SLC4A10: variants seen among roughly 807,000 people sequenced by gnomAD.
SLC4A10 encodes solute carrier family 4 member 10, also known as sodium-driven chloride bicarbonate exchanger.
In SLC4A10, 42 loss-of-function variants were observed where a neutral mutation model predicts 137.7. That is an observed-to-expected ratio of 0.30 (90% CI 0.24 to 0.39). SLC4A10 has a LOEUF of 0.39. Among genes scored for constraint, SLC4A10 ranks in the 10% least tolerant of loss-of-function variants. SLC4A10 has a pLI of 1.00. For missense variants in SLC4A10, 925 were observed against 1,355.0 expected (o/e 0.68, Z 4.98); for synonymous variants, 474 against 464.1 (o/e 1.02, Z -0.27).
At chr2:161,938,482 A>T (rs1691998457) in intron 15 of SLC4A10, among the ~76,000 whole-genome samples, 1 of 151,388 alleles carries the variant, frequency 6.6e-6, no homozygotes, top group Non-Finnish European at 1.5e-5. Flanking sequence ...TGATATTTAT[A>T]GATTATTATT....
At position 161,942,777 on chromosome 2, in the gene SLC4A10, A is replaced by G. The variant is rs748380707; in HGVS notation, c.1998-15A>G. ...AGCTACTTATTTCACAAAAGACACT[A>G]TTTTGCCTTTTCAGGTGTAACTGTG... On this transcript the variant is annotated splice_polypyrimidine_tract_variant and intron_variant, in intron 15 of 26. Coordinates refer to ENST00000446997, the MANE Select transcript of SLC4A10 (RefSeq NM_001178015.2). 6.3e-6 allele frequency: 10 copies of G among 1,579,816 alleles called. No homozygotes were observed. In the South Asian group the frequency reaches 6.9e-5, roughly 11 times the overall value.
intron 10 of SLC4A10, among the ~76,000 whole-genome samples, chr2:161,893,348 G>A (rs1001122208): frequency 1.7e-4 from 26 of 152,014 alleles, no homozygotes; most frequent in Non-Finnish European, 1.5e-5. Context: ...ATATATAGTT[G>A]GCCCTCTGTA....
chr2:161,633,007 A>C (rs1284757714), intron 1 of SLC4A10, among the ~76,000 whole-genome samples: 1 of 151,578 alleles, frequency 6.6e-6, no homozygotes, highest in Non-Finnish European at 1.5e-5. Flanking sequence ...ACATGTATAT[A>C]TATCCTGATG....
chr2:161,627,537 A>G (rs2032659380), intron 1 of SLC4A10, among the ~76,000 whole-genome samples: 1 of 152,142 alleles, frequency 6.6e-6, no homozygotes, highest in Admixed American at 6.6e-5. Flanking sequence ...ACAGATTCTC[A>G]TTAAGCCTCC....
rs567598753 is a variant in SLC4A10 at position 161,947,599 on chromosome 2, C to A, written c.2137C>A (p.Arg713=). ...CKSLHGEYVG[R]ACGHDHPYVP... The stretch of plus-strand genomic sequence containing the variant: ...ATCATTGCATGGAGAGTATGTTGGA[C>A]GGGCCTGTGGCCATGATCACCCATA... The change falls in exon 17 of 27, where the codon CGG becomes AGG. Residue 713 remains arginine (R), a synonymous_variant. Transcript: ENST00000446997. 1 of 1,612,804 alleles carries A rather than the reference C, an allele frequency of 6.2e-7. No individual in the cohort carries two copies. The highest frequency in any genetic ancestry group is 1.3e-5 in the African/African-American group (1 of 74,934).
chr2:161,696,512 G>A (rs1246393474), intron 1 of SLC4A10, among the ~76,000 whole-genome samples: 2 of 127,086 alleles, frequency 1.6e-5, no homozygotes, highest in African/African-American at 3.1e-5. Flanking sequence ...GTGTCCATGT[G>A]TTCTCATTGT....
chr2:161,789,021 G>A (rs972999655), intron 2 of SLC4A10, among the ~76,000 whole-genome samples: 1 of 152,312 alleles, frequency 6.6e-6, no homozygotes, highest in Middle Eastern at 3.4e-3. Flanking sequence ...GGGTTCTGAG[G>A]TATGTTTGCA....
intron 3 of SLC4A10, among the ~76,000 whole-genome samples, chr2:161,834,016 A>T (rs926802727): frequency 2.6e-5 from 4 of 152,232 alleles, no homozygotes; most frequent in African/African-American, 9.6e-5. Context: ...ATAAACTTAT[A>T]TTGAAAAATC....
At chr2:161,764,323 T>C (rs886710852) in intron 1 of SLC4A10, among the ~76,000 whole-genome samples, 4 of 152,092 alleles carry the variant, frequency 2.6e-5, no homozygotes, top group African/African-American at 7.2e-5. Context: ...TATAATTGCT[T>C]AGATTATCAA....
intron 15 of SLC4A10, among the ~76,000 whole-genome samples, chr2:161,907,341 C>T (rs1684683109): frequency 6.6e-6 from 1 of 152,142 alleles, no homozygotes; most frequent in Non-Finnish European, 1.5e-5. Flanking sequence ...CCAGGGATAA[C>T]ATTGATACAC....
intron 1 of SLC4A10, among the ~76,000 whole-genome samples, chr2:161,759,430 T>G (rs1395062189): frequency 1.3e-5 from 2 of 151,930 alleles, no homozygotes; most frequent in Non-Finnish European, 2.9e-5. Flanking sequence ...TCCCCAAAAC[T>G]TATTCATCTT....
chr2:161,818,320 A>G (rs2057304224), intron 3 of SLC4A10, among the ~76,000 whole-genome samples: 1 of 152,306 alleles, frequency 6.6e-6, no homozygotes, highest in South Asian at 2.1e-4. Context: ...TGATTTTTCC[A>G]CATTGATTTT....
At chr2:161,705,236 A>G (rs2043528949) in intron 1 of SLC4A10, among the ~76,000 whole-genome samples, 1 of 151,492 alleles carries the variant, frequency 6.6e-6, no homozygotes, top group Admixed American at 6.6e-5. Context: ...ATATTGGGGA[A>G]AACTAGGAAA....
At chr2:161,848,606 C>G (rs1290261698) in intron 4 of SLC4A10, among the ~76,000 whole-genome samples, 2 of 152,132 alleles carry the variant, frequency 1.3e-5, no homozygotes, top group Non-Finnish European at 2.9e-5. Context: ...TATGGCTAGC[C>G]AGTTATCCCA....
At chr2:161,873,530 C>CAA (rs759717096) in intron 7 of SLC4A10, among the ~76,000 whole-genome samples, 455 of 17,314 alleles carry the variant, frequency 0.026, 60 homozygotes, top group East Asian at 0.082. Flanking sequence ...GACCACATCT[C>CAA]AAAAAAAAAA....
chr2:161,671,044 A>G (rs1446985121), intron 1 of SLC4A10, among the ~76,000 whole-genome samples: 1 of 152,146 alleles, frequency 6.6e-6, no homozygotes, highest in East Asian at 1.9e-4. Context: ...TCGTTGGTAA[A>G]TATCAGTTCT....
intron 26 of SLC4A10, among the ~76,000 whole-genome samples, chr2:161,978,999 G>T (rs1422676563): frequency 1.3e-5 from 2 of 152,254 alleles, no homozygotes; most frequent in South Asian, 2.1e-4. Context: ...TATGAGAAGG[G>T]CAGTTTCTCA....
At chr2:161,795,982 T>C (rs2054732385) in intron 2 of SLC4A10, among the ~76,000 whole-genome samples, 1 of 152,150 alleles carries the variant, frequency 6.6e-6, no homozygotes, top group Admixed American at 6.6e-5. Flanking sequence ...ACATAATTTG[T>C]TGTTCCTATC....
intron 1 of SLC4A10, among the ~76,000 whole-genome samples, chr2:161,733,566 G>A (rs1021476479): frequency 6.6e-6 from 1 of 152,248 alleles, no homozygotes; most frequent in Non-Finnish European, 1.5e-5. Context: ...CAGTGCAGAC[G>A]GGAAATGTGG....
Sources: allele counts gnomAD v4.1 joint callset (sites outside exome capture counted in the v4.1 genomes callset), GRCh38; gene constraint gnomAD v4.1.1; transcripts MANE v1.5; gene names NCBI Gene and HGNC (gene_info 2026-07-23, HGNC 2026-07-21).